The following SOX5 variants were observed in gnomAD, a reference collection of about 807,000 sequenced individuals.
SOX5 encodes the protein transcription factor SOX-5.
SOX5 carries 9 observed loss-of-function variants against 92.0 expected under a neutral mutation model. That is an observed-to-expected ratio of 0.10 (90% CI 0.06 to 0.17). The LOEUF is 0.17. Among genes scored for constraint, SOX5 ranks in the 10% least tolerant of loss-of-function variants. SOX5 has a pLI of 1.00. For synonymous variants in SOX5, 344 were observed against 336.3 expected (o/e 1.02, Z -0.25); for missense variants, 642 against 944.5 (o/e 0.68, Z 4.20).
intron 3 of SOX5, among the ~76,000 whole-genome samples, chr12:24,275,454 CT>C (rs1159726990): frequency 1.3e-5 from 2 of 151,840 alleles, no homozygotes; most frequent in African/African-American, 2.4e-5. Context: ...AATTTTATGT[CT>C]TTTAAAATTC....
chr12:23,536,509 T>C lies in SOX5; in HGVS notation c.1932A>G (p.Glu644=), dbSNP rs1444027846. The part of the protein sequence containing the change: ...LVDGKKLRIG[E]YKAIMRNRRQ... ...GCCTGTTGCGCATGATTGCCTTGTA[T>C]TCACCAATGCGCAGCTTTTTGCCAT... Residue 644 remains glutamate (E), a synonymous_variant, in exon 14 of 15, where the codon GAA becomes GAG. Transcript: ENST00000451604. The C allele has an allele frequency of 6.2e-7, 1 of 1,614,100 alleles. No individual in the cohort carries two copies. The highest frequency in any genetic ancestry group is 8.5e-7 in the Non-Finnish European group (1 of 1,180,044).
intron 1 of SOX5, among the ~76,000 whole-genome samples, chr12:24,541,849 A>T (rs77851216): frequency 6.6e-6 from 1 of 152,154 alleles, no homozygotes; most frequent in Non-Finnish European, 1.5e-5. Context: ...AAAAAAATTT[A>T]AACTACGATA....
intron 4 of SOX5, among the ~76,000 whole-genome samples, chr12:24,131,198 G>T (rs76521122): frequency 6.6e-6 from 1 of 152,278 alleles, no homozygotes; most frequent in African/African-American, 2.4e-5. Flanking sequence ...TCTAATCTTT[G>T]TGTTAAGATT....
At chr12:23,773,973 G>A (rs904261905) in intron 3 of SOX5, among the ~76,000 whole-genome samples, 1 of 150,162 alleles carries the variant, frequency 6.7e-6, no homozygotes, top group Non-Finnish European at 1.5e-5. Flanking sequence ...GTTCTTTATT[G>A]ACAAGCAGAT....
intron 1 of SOX5, among the ~76,000 whole-genome samples, chr12:24,449,624 C>T (rs1428811708): frequency 2.0e-5 from 3 of 152,026 alleles, no homozygotes; most frequent in African/African-American, 7.2e-5. Flanking sequence ...AAAACAGGGC[C>T]TGGAAGATAA....
At chr12:23,934,280 T>C (rs1942050761) in intron 1 of SOX5, among the ~76,000 whole-genome samples, 1 of 151,262 alleles carries the variant, frequency 6.6e-6, no homozygotes, top group Admixed American at 6.6e-5. Flanking sequence ...TAACTCAGAA[T>C]TATTCCCAGC....
chr12:24,306,964 C>A (rs1948637861), intron 2 of SOX5, among the ~76,000 whole-genome samples: 1 of 152,046 alleles, frequency 6.6e-6, no homozygotes, highest in Admixed American at 6.6e-5. Flanking sequence ...CAATGCTCAC[C>A]TTCCAAAAAC....
At chr12:24,216,839 A>C (rs1230377928) in intron 3 of SOX5, among the ~76,000 whole-genome samples, 3 of 152,124 alleles carry the variant, frequency 2.0e-5, no homozygotes, top group Non-Finnish European at 4.4e-5. Context: ...GAGGCCGGGG[A>C]ATCACTTTTA....
At chr12:23,938,762 T>C (rs897203662) in intron 1 of SOX5, among the ~76,000 whole-genome samples, 3 of 151,006 alleles carry the variant, frequency 2.0e-5, no homozygotes, top group Admixed American at 2.0e-4. Context: ...TAGAGGAAAC[T>C]ACAGTTGCAT....
rs143502572 is a variant in SOX5 at position 23,593,701 on chromosome 12, A to T, written c.1164+10686T>A. Among the ~76,000 whole-genome samples the T allele has an allele frequency of 1.2e-3, 179 of 152,252 alleles. 1 individual carries two copies. Among genetic ancestry groups the T allele is most frequent in the African/African-American group, 4.2e-3 (173 of 41,554 alleles). On this transcript the variant is annotated intron_variant, in intron 9 of 14. Coordinates refer to ENST00000451604, the MANE Select transcript of SOX5 (RefSeq NM_006940.6). ...ATAAATGATATAATTTTTTTTACCA[A>T]GAAAATAACATTATTTAAATAAATT... is the stretch of plus-strand genomic sequence containing the variant.
chr12:24,033,939 A>G (rs1420695617), intron 4 of SOX5, among the ~76,000 whole-genome samples: 2 of 151,996 alleles, frequency 1.3e-5, no homozygotes, highest in Non-Finnish European at 2.9e-5. Context: ...TGTCATCTGA[A>G]GACAGCGTTT....
intron 1 of SOX5, among the ~76,000 whole-genome samples, chr12:24,443,666 G>A (rs2137223645): frequency 6.6e-6 from 1 of 152,336 alleles, no homozygotes. Context: ...CACTGAGACT[G>A]GTTAGCTGAA....
intron 8 of SOX5, among the ~76,000 whole-genome samples, chr12:23,633,343 G>A (rs2078797230): frequency 6.6e-6 from 1 of 152,060 alleles, no homozygotes; most frequent in African/African-American, 2.4e-5. Context: ...ATGCTAGATG[G>A]ATTGTTGCCA....
chr12:24,345,795 A>C (rs1443467259), intron 2 of SOX5, among the ~76,000 whole-genome samples: 1 of 152,232 alleles, frequency 6.6e-6, no homozygotes, highest in Admixed American at 6.5e-5. Flanking sequence ...TGTGAAGCTT[A>C]TCCGTACTTC....
intron 4 of SOX5, among the ~76,000 whole-genome samples, chr12:24,052,798 G>A (rs935140149): frequency 1.3e-5 from 2 of 152,218 alleles, no homozygotes; most frequent in Admixed American, 1.3e-4. Context: ...AAGTGCTGAT[G>A]TTTTAATGAT....
At chr12:23,703,618 G>A (rs2090971562) in intron 6 of SOX5, among the ~76,000 whole-genome samples, 1 of 151,856 alleles carries the variant, frequency 6.6e-6, no homozygotes, top group Non-Finnish European at 1.5e-5. Context: ...CCTTCAAGGT[G>A]ACTGAAATTC....
chr12:24,276,824 A>C (rs766148128), intron 3 of SOX5, among the ~76,000 whole-genome samples: 6 of 152,166 alleles, frequency 3.9e-5, no homozygotes, highest in Non-Finnish European at 5.9e-5. Context: ...TTTTTCTAAA[A>C]TATGTGACCT....
In SOX5 at chr12:24,228,934, T is replaced by G. The variant is rs1232891770; in HGVS notation, c.-76-15517A>C. 2.0e-5 allele frequency among the ~76,000 whole-genome samples: 3 copies of G among 152,168 alleles called. No homozygotes were observed. In the East Asian group the frequency reaches 5.8e-4, roughly 29 times the overall value. ...GGTTCACTTAAGAACTGCTATAAATTAATGGTTAATCGAGCCCATATAATT... is the reference window on the plus strand; with the variant it reads ...GGTTCACTTAAGAACTGCTATAAATGAATGGTTAATCGAGCCCATATAATT... On this transcript the variant is annotated intron_variant, in intron 3 of 4. Coordinates refer to the SOX5 transcript ENST00000446891.
intron 1 of SOX5, among the ~76,000 whole-genome samples, chr12:23,918,205 T>C (rs1595634581): frequency 6.6e-6 from 1 of 152,212 alleles, no homozygotes; most frequent in African/African-American, 2.4e-5. Flanking sequence ...ACAACTGTAA[T>C]ATTTTCCTTA....
Sources: allele counts gnomAD v4.1 joint callset (sites outside exome capture counted in the v4.1 genomes callset), GRCh38; gene constraint gnomAD v4.1.1; transcripts MANE v1.5; gene names NCBI Gene and HGNC (gene_info 2026-07-23, HGNC 2026-07-21).